Variants in NRXN1 observed in about 807,000 individuals in gnomAD.
The protein encoded by NRXN1 is neurexin-1.
In NRXN1, 39 loss-of-function variants were observed where a neutral mutation model predicts 150.9. The observed-to-expected ratio is 0.26, with a 90% CI of 0.20 to 0.34. The LOEUF (loss-of-function observed/expected upper bound fraction) is 0.34. Ranked by LOEUF, NRXN1 falls within the 10% of genes least tolerant of loss-of-function variation. The pLI, the probability that NRXN1 is intolerant of heterozygous loss-of-function variation, is 1.00. For synonymous variants in NRXN1, 924 were observed against 757.0 expected, an observed-to-expected ratio of 1.22 and a Z score of -3.62; for missense variants, 1,815 against 1,949.9, an observed-to-expected ratio of 0.93 and a Z score of 1.30.
At chr2:50,276,828 T>G (rs2070540107) in intron 17 of NRXN1, among the ~76,000 whole-genome samples, 1 of 152,136 alleles carries the variant, frequency 6.6e-6, no homozygotes, top group Admixed American at 6.6e-5. Context: ...GAAAAGACCC[T>G]TCAATAGAGA....
At chr2:50,482,037 G>A (rs1224463148) in intron 15 of NRXN1, among the ~76,000 whole-genome samples, 1 of 137,174 alleles carries the variant, frequency 7.3e-6, no homozygotes, top group Non-Finnish European at 1.5e-5. Flanking sequence ...CAAAGTGCTG[G>A]GATTACAGGC....
chr2:50,418,362 C>T (rs1558696675), intron 17 of NRXN1, among the ~76,000 whole-genome samples: 1 of 151,898 alleles, frequency 6.6e-6, no homozygotes. Flanking sequence ...CATGGTGTAC[C>T]CTCCTTGCAG....
At chr2:50,076,474 C>A (rs1452775) in intron 19 of NRXN1, among the ~76,000 whole-genome samples, 1 of 152,114 alleles carries the variant, frequency 6.6e-6, no homozygotes, top group Non-Finnish European at 1.5e-5. Context: ...ATCAAACAAC[C>A]TTATGAGGTA....
chr2:50,075,921 C>T (rs1014113736), intron 19 of NRXN1, among the ~76,000 whole-genome samples: 1 of 152,120 alleles, frequency 6.6e-6, no homozygotes, highest in African/African-American at 2.4e-5. Context: ...GGGCAGCACC[C>T]GAGCTGTCTA....
intron 18 of NRXN1, among the ~76,000 whole-genome samples, chr2:50,122,737 T>C (rs1344532755): frequency 6.6e-6 from 1 of 152,214 alleles, no homozygotes; most frequent in African/African-American, 2.4e-5. Context: ...TTTTCAAAAA[T>C]GGGAACGAGT....
At chr2:50,846,362 C>G (rs889317485) in intron 5 of NRXN1, among the ~76,000 whole-genome samples, 2 of 152,110 alleles carry the variant, frequency 1.3e-5, no homozygotes, top group Non-Finnish European at 2.9e-5. Context: ...TCAATTTGCT[C>G]ATTCAAATCA....
At chr2:50,916,665 CAG>C (rs886079827) in intron 5 of NRXN1, among the ~76,000 whole-genome samples, 9 of 151,494 alleles carry the variant, frequency 5.9e-5, no homozygotes, top group African/African-American at 2.2e-4. Flanking sequence ...TATTAAAGTA[CAG>C]AGAGTCCTTT....
At chr2:50,428,617 G>C (rs986179878) in intron 17 of NRXN1, among the ~76,000 whole-genome samples, 1 of 152,166 alleles carries the variant, frequency 6.6e-6, no homozygotes, top group Non-Finnish European at 1.5e-5. Flanking sequence ...ATTAGAGGCG[G>C]GACGGGGAAG....
intron 19 of NRXN1, among the ~76,000 whole-genome samples, chr2:50,056,996 G>A (rs1303481380): frequency 1.3e-5 from 2 of 152,022 alleles, no homozygotes; most frequent in Non-Finnish European, 1.5e-5. Context: ...AATCTAGGTC[G>A]CAAATCCCTC....
At chr2:50,636,054 T>C (rs1196567401) in intron 5 of NRXN1, among the ~76,000 whole-genome samples, 1 of 152,174 alleles carries the variant, frequency 6.6e-6, no homozygotes, top group African/African-American at 2.4e-5. Flanking sequence ...TTTTACCAAA[T>C]GTTTTATTGC....
At chr2:50,373,593 A>G (rs1484666765) in intron 17 of NRXN1, among the ~76,000 whole-genome samples, 2 of 149,960 alleles carry the variant, frequency 1.3e-5, no homozygotes, top group Non-Finnish European at 3.0e-5. Flanking sequence ...GAAAGAAAGA[A>G]AGAGAGAGAG....
intron 17 of NRXN1, among the ~76,000 whole-genome samples, chr2:50,356,283 T>C (rs937244933): frequency 1.3e-5 from 2 of 152,124 alleles, no homozygotes; most frequent in Admixed American, 6.6e-5. Flanking sequence ...GCTATAAGAG[T>C]TGGAAAAACT....
chr2:50,180,557 T>C (rs1207711089), intron 18 of NRXN1, among the ~76,000 whole-genome samples: 1 of 152,038 alleles, frequency 6.6e-6, no homozygotes, highest in African/African-American at 2.4e-5. Context: ...AACACTGCAA[T>C]ATAAAGAGCT....
At position 49,919,263 on chromosome 2, in the gene NRXN1, CTCTT is replaced by C. The variant is rs1444571839; in HGVS notation, c.*2677_*2680del. 6.6e-6 allele frequency: 1 copy of C among 152,046 alleles called. No individual in the cohort carries two copies. Among genetic ancestry groups the C allele is most frequent in the Non-Finnish European group, 1.5e-5 (1 of 67,952 alleles). 9.4% of individuals were successfully genotyped at this position (152,046 alleles called of 1,614,324 possible). On this transcript the variant is annotated 3_prime_UTR_variant, in exon 23 of 23. Coordinates refer to ENST00000401669, the MANE Select transcript of NRXN1 (RefSeq NM_001330078.2). Reference sequence around the variant, plus strand: ...AGATACTTGGGATTCAAGTCATTTTCTCTTTCTAACTCTGTTCCTCTCTTTTCTT... The same window carrying C: ...AGATACTTGGGATTCAAGTCATTTTCTCTAACTCTGTTCCTCTCTTTTCTT...
rs71404951 is a variant in NRXN1 at position 50,374,294 on chromosome 2, AAAATAAAT to A, written c.3364+91140_3364+91147del. Among the ~76,000 whole-genome samples, 1,130 of 136,566 alleles carry A rather than the reference AAAATAAAT, an allele frequency of 8.3e-3. 9 individuals are homozygous for A. The highest frequency in any genetic ancestry group is 0.013 in the African/African-American group (454 of 36,294). 89.6% of individuals were successfully genotyped at this position (136,566 alleles called of 152,430 possible). A position where few individuals can be genotyped will look rare whatever the true frequency, so the allele number is the denominator to read the frequency against. ...GGACAGAGTGAGACTCTGTCTCAAG[AAAATAAAT>A]AAATAAATAAATAAATAAATAAATA... On this transcript the variant is annotated intron_variant, in intron 17 of 22. Coordinates refer to ENST00000401669, the MANE Select transcript of NRXN1 (RefSeq NM_001330078.2).
At chr2:50,144,754 T>G (rs2152764056) in intron 18 of NRXN1, among the ~76,000 whole-genome samples, 1 of 151,932 alleles carries the variant, frequency 6.6e-6, no homozygotes, top group Middle Eastern at 3.4e-3. Flanking sequence ...AGTCGATAAT[T>G]TCTGTTACTA....
chr2:50,279,457 T>C (rs1352007600), intron 17 of NRXN1, among the ~76,000 whole-genome samples: 2 of 152,340 alleles, frequency 1.3e-5, no homozygotes, highest in East Asian at 1.9e-4. Flanking sequence ...AAATACTGTA[T>C]GCATTTGGCC....
chr2:50,490,173 C>T (rs1336569336), intron 15 of NRXN1, among the ~76,000 whole-genome samples: 1 of 152,142 alleles, frequency 6.6e-6, no homozygotes, highest in African/African-American at 2.4e-5. Context: ...TGGCAATTGC[C>T]TCAAAAGTGG....
chr2:50,702,383 T>C (rs555470901), intron 5 of NRXN1, among the ~76,000 whole-genome samples: 47 of 151,992 alleles, frequency 3.1e-4, no homozygotes, highest in Non-Finnish European at 5.9e-4. Context: ...CAAAACCTCA[T>C]TTGTATTCAG....
Sources: allele counts gnomAD v4.1 joint callset (sites outside exome capture counted in the v4.1 genomes callset), GRCh38; gene constraint gnomAD v4.1.1; transcripts MANE v1.5; gene names NCBI Gene and HGNC (gene_info 2026-07-23, HGNC 2026-07-21).